Variants in TMEM38B observed in about 807,000 individuals in gnomAD.
TMEM38B encodes the protein trimeric intracellular cation channel type B.
A neutral mutation model predicts 28.7 loss-of-function variants in TMEM38B; 24 were observed. That is an observed-to-expected ratio of 0.84 (90% confidence interval 0.61 to 1.18). The LOEUF (loss-of-function observed/expected upper bound fraction) is 1.18. Ranked by LOEUF, TMEM38B falls within the 50% of genes most tolerant of loss-of-function variation. The pLI is 0.00. For synonymous variants in TMEM38B, 131 were observed against 127.7 expected (o/e 1.03, Z -0.17); for missense variants, 380 against 350.9 (o/e 1.08, Z -0.66).
chr9:105,759,840 T>C (rs560387006), intron 5 of TMEM38B: 458 of 1,599,270 alleles, frequency 2.9e-4, no homozygotes, highest in Admixed American at 1.2e-3. Context: ...AACAGCTTTG[T>C]AGGTCTCAGA....
rs145482094 is a variant in TMEM38B at position 105,775,011 on chromosome 9, C to A, written c.*931C>A. 2.6e-5 allele frequency: 4 copies of A among 151,902 alleles called. No homozygotes were observed. The highest frequency in any genetic ancestry group is 4.4e-5 in the Non-Finnish European group (3 of 67,938). 9.4% of individuals were successfully genotyped at this position (151,902 alleles called of 1,614,324 possible). A position where few individuals can be genotyped will look rare whatever the true frequency, so the allele number is the denominator to read the frequency against. On this transcript the variant is annotated 3_prime_UTR_variant, in exon 6 of 6. Transcript: ENST00000374692. ...GTAATTATTCAACAAAAAGCATATC[C>A]GTTCAAAAATTTTTCCACTATGTCT... is the stretch of plus-strand genomic sequence containing the variant.
intron 4 of TMEM38B, among the ~76,000 whole-genome samples, chr9:105,723,374 T>C (rs1196662759): frequency 1.3e-5 from 2 of 151,950 alleles, no homozygotes; most frequent in East Asian, 3.9e-4. Flanking sequence ...ACTACAGGTG[T>C]GTGCTATCAT....
chr9:105,726,546 T>G (rs1367300407), intron 4 of TMEM38B, among the ~76,000 whole-genome samples: 1 of 152,130 alleles, frequency 6.6e-6, no homozygotes, highest in Non-Finnish European at 1.5e-5. Context: ...CACATGGAGC[T>G]TTCATCTCCT....
At chr9:105,721,794 C>G in intron 3 of TMEM38B, 73 bp downstream of exon 3, 1 of 1,153,296 alleles carries the variant, frequency 8.7e-7, no homozygotes, top group Non-Finnish European at 1.2e-6. Context: ...GAACAATTCT[C>G]TAGTTACATT....
At chr9:105,733,617 A>G (rs547012692) in intron 4 of TMEM38B, among the ~76,000 whole-genome samples, 1 of 151,874 alleles carries the variant, frequency 6.6e-6, no homozygotes, top group African/African-American at 2.4e-5. Context: ...TTCCCTTGGG[A>G]GACTTTAAGT....
At chr9:105,724,359 G>T (rs1836430749) in intron 4 of TMEM38B, among the ~76,000 whole-genome samples, 1 of 152,076 alleles carries the variant, frequency 6.6e-6, no homozygotes, top group African/African-American at 2.4e-5. Context: ...TTGAGGCTGG[G>T]CACGGTGGCG....
Position 105,702,114 on chromosome 9 carries a change from T to C in TMEM38B, c.113-3483T>C, listed in dbSNP as rs537910219. 3.3e-5 allele frequency among the ~76,000 whole-genome samples: 5 copies of C among 152,170 alleles called. No individual in the cohort carries two copies. The South Asian group carries it at 1.0e-3, about 32-fold the overall frequency. ...CAAACTTGATCTAAAACTCCTTGAA[T>C]TGTGTCATAGATAATCTGTAAGCCT... On this transcript the variant is annotated intron_variant, in intron 1 of 5. Coordinates refer to ENST00000374692, the MANE Select transcript of TMEM38B (RefSeq NM_018112.3).
In TMEM38B at chr9:105,742,140, T is replaced by A. The variant is rs538194295; in HGVS notation, c.543-5933T>A. 2.0e-5 allele frequency among the ~76,000 whole-genome samples: 3 copies of A among 152,326 alleles called. No homozygotes were observed. The South Asian group carries it at 6.2e-4, about 32-fold the overall frequency. On this transcript the variant is annotated intron_variant, in intron 4 of 5. Coordinates refer to ENST00000374692, the MANE Select transcript of TMEM38B (RefSeq NM_018112.3). ...ATTAAATGAAAGAAGGCTGTCAGAC[T>A]TTTAAAATTCTGCATGCCAGAATCA...
intron 4 of TMEM38B, among the ~76,000 whole-genome samples, chr9:105,723,074 A>G (rs1289112567): frequency 1.3e-5 from 2 of 152,218 alleles, no homozygotes; most frequent in Admixed American, 6.5e-5. Flanking sequence ...ATACATTATC[A>G]TAAAGTGCTT....
At chr9:105,761,907 T>TGGCAC (rs1276117775) in intron 5 of TMEM38B, among the ~76,000 whole-genome samples, 4 of 152,206 alleles carry the variant, frequency 2.6e-5, no homozygotes, top group Non-Finnish European at 4.4e-5. Context: ...ACATTGACTT[T>TGGCAC]ATTTTTTCAT....
At chr9:105,750,837 G>A (rs1837621945) in intron 5 of TMEM38B, among the ~76,000 whole-genome samples, 1 of 152,134 alleles carries the variant, frequency 6.6e-6, no homozygotes, top group African/African-American at 2.4e-5. Context: ...ATGACGAACA[G>A]TCCAAGTTTT....
chr9:105,694,834 A>G lies in TMEM38B; in HGVS notation c.112+62A>G, dbSNP rs865934787. On this transcript the variant is annotated intron_variant, in intron 1 of 5. Coordinates refer to ENST00000374692, the MANE Select transcript of TMEM38B (RefSeq NM_018112.3). The stretch of plus-strand genomic sequence containing the variant: ...TGCTCCTGACGGCGAGGACCGTCTA[A>G]GTCGGGTGGGTCGGGTGGGTCGGGT... 3.6e-4 allele frequency: 25 copies of G among 69,208 alleles called. 3 individuals carry two copies. The highest frequency in any genetic ancestry group is 3.6e-3 in the South Asian group (25 of 6,966). The allele number at this position is 69,208 out of a possible 1,614,324, so 4.3% of individuals were successfully genotyped here.
chr9:105,753,946 G>A (rs1837744696), intron 5 of TMEM38B, among the ~76,000 whole-genome samples: 1 of 152,128 alleles, frequency 6.6e-6, no homozygotes, highest in African/African-American at 2.4e-5. Context: ...ACACACATAG[G>A]CTCAAAATAA....
chr9:105,724,133 G>A (rs1254625062), intron 4 of TMEM38B, among the ~76,000 whole-genome samples: 8 of 152,172 alleles, frequency 5.3e-5, no homozygotes, highest in African/African-American at 1.9e-4. Flanking sequence ...ACTGTGCCTG[G>A]CCCAGACTCA....
chr9:105,694,732 G>A lies in TMEM38B; in HGVS notation c.72G>A (p.Ala24=), dbSNP rs751019080. Residue 24 remains alanine (A), a synonymous_variant, in exon 1 of 6, where the codon GCG becomes GCA. Transcript: ENST00000374692. ...CCATGTTTCCCTTTTTTGACATCGC[G>A]CACTATCTAGTGTCAGTGATGGCGG... ...RTSMFPFFDI[A]HYLVSVMAVK... The A allele has an allele frequency of 1.4e-5, 22 of 1,613,410 alleles. No individual in the cohort carries two copies. Among genetic ancestry groups the A allele is most frequent in the Middle Eastern group, 3.3e-4 (2 of 6,036 alleles).
chr9:105,744,486 T>A (rs1037824758), intron 4 of TMEM38B, among the ~76,000 whole-genome samples: 2 of 152,084 alleles, frequency 1.3e-5, no homozygotes, highest in African/African-American at 4.8e-5. Context: ...TTGGGATGAA[T>A]ATATACTCAA....
chr9:105,758,643 C>T lies in TMEM38B; in HGVS notation c.660+10453C>T, dbSNP rs1837920783. ...TGGTACTAACCAGCTCTTCAGATTTCCTGCAACTTAGCCATTTAAAACTCT... is the reference window on the plus strand; with the variant it reads ...TGGTACTAACCAGCTCTTCAGATTTTCTGCAACTTAGCCATTTAAAACTCT... On this transcript the variant is annotated intron_variant, in intron 5 of 5. Transcript: ENST00000374692. The T allele has an allele frequency of 5.0e-6, 4 of 807,430 alleles. No homozygotes were observed. The African/African-American group carries it at 5.1e-5, about 10-fold the overall frequency. 50.0% of individuals were successfully genotyped at this position (807,430 alleles called of 1,614,324 possible).
At chr9:105,721,769 A>G (rs1836330655) in intron 3 of TMEM38B, 48 bp downstream of exon 3, 1 of 1,382,234 alleles carries the variant, frequency 7.2e-7, no homozygotes, top group Non-Finnish European at 1.0e-6. Flanking sequence ...TTGGTGTATT[A>G]TTAATACCAT....
chr9:105,715,825 A>G (rs1156628775), intron 2 of TMEM38B, among the ~76,000 whole-genome samples: 3 of 151,898 alleles, frequency 2.0e-5, no homozygotes. Flanking sequence ...CTTGTTTTGA[A>G]ATCATAGTTT....
Sources: gnomAD v4.1 joint callset for allele counts (sites outside exome capture counted in the v4.1 genomes callset) on GRCh38, gnomAD v4.1.1 for gene constraint, MANE v1.5 for transcripts, NCBI Gene and HGNC (gene_info 2026-07-23, HGNC 2026-07-21) for gene names.